The following HMCN1 variants were observed in gnomAD, a reference collection of about 807,000 sequenced individuals.
HMCN1 encodes the protein hemicentin 1, also known as hemicentin-1.
In HMCN1, 321 loss-of-function variants were observed where a neutral mutation model predicts 625.9. The observed-to-expected ratio is 0.51, with a 90% CI of 0.47 to 0.56. The LOEUF (loss-of-function observed/expected upper bound fraction) is 0.56, where lower values mean the gene tolerates loss of function less well. HMCN1 is among the 20% of genes least tolerant of loss of function. HMCN1 has a pLI of 0.00. For missense variants in HMCN1, 6,588 were observed against 6,887.3 expected (o/e 0.96, Z 1.54); for synonymous variants, 2,425 against 2,417.6 (o/e 1.00, Z -0.09).
At chr1:186,128,639 G>A (rs928727029) in intron 83 of HMCN1, among the ~76,000 whole-genome samples, 4 of 151,918 alleles carry the variant, frequency 2.6e-5, no homozygotes, top group Admixed American at 1.3e-4. Context: ...TAAGATGGCC[G>A]CTGTTGGAGT....
At chr1:185,960,738 G>T (rs944965968) in intron 11 of HMCN1, among the ~76,000 whole-genome samples, 3 of 152,198 alleles carry the variant, frequency 2.0e-5, no homozygotes, top group South Asian at 4.1e-4. Context: ...TTGAATCTTT[G>T]CAGCAATTCC....
intron 42 of HMCN1, among the ~76,000 whole-genome samples, chr1:186,049,656 A>G (rs910741026): frequency 7.2e-5 from 11 of 152,114 alleles, no homozygotes; most frequent in South Asian, 4.1e-4. Context: ...CTTCATTTTG[A>G]TTGTATTTGT....
At chr1:185,980,182 A>G (rs1438241807) in intron 16 of HMCN1, among the ~76,000 whole-genome samples, 1 of 152,216 alleles carries the variant, frequency 6.6e-6, no homozygotes, top group Non-Finnish European at 1.5e-5. Context: ...AAAATAATGC[A>G]TATTTCAATA....
At chr1:186,032,522 A>T (rs192726722) in intron 36 of HMCN1, among the ~76,000 whole-genome samples, 8 of 152,092 alleles carry the variant, frequency 5.3e-5, no homozygotes, top group African/African-American at 1.7e-4. Context: ...TGATGGTCTT[A>T]TAAGGGGCTT....
intron 49 of HMCN1, among the ~76,000 whole-genome samples, chr1:186,065,695 G>T (rs1658065286): frequency 1.3e-5 from 2 of 152,150 alleles, no homozygotes; most frequent in African/African-American, 2.4e-5. Context: ...AAAAGATAAA[G>T]ATATGTTGGT....
At chr1:186,172,546 G>T (rs1652297940) in intron 102 of HMCN1, among the ~76,000 whole-genome samples, 1 of 152,048 alleles carries the variant, frequency 6.6e-6, no homozygotes. Context: ...TCAAATCCAT[G>T]ACCAGACAAA....
chr1:186,039,772 G>T lies in HMCN1; in HGVS notation c.6073G>T (p.Val2025Phe). Residue 2025 changes from valine (V) to phenylalanine (F), a missense_variant, in exon 39 of 107, where the codon GTT becomes TTT. Around this residue, in one of 3 missense-constraint regions of HMCN1, gnomAD observed 4,628 missense variants for 4,853.1 expected, o/e 0.95. Coordinates refer to ENST00000271588, the MANE Select transcript of HMCN1 (RefSeq NM_031935.3). The stretch of plus-strand genomic sequence containing the variant: ...CAGCAATAACATGGTGGCAGTGGTG[G>T]TTAATAACCCGGTGAGGTTAGAATG... Reference protein sequence around the residue: ...SGSNNMVAVVVNNPVRLECEA... With the variant: ...SGSNNMVAVVFNNPVRLECEA... 6.2e-7 allele frequency: 1 copy of T among 1,613,544 alleles called. No individual in the cohort carries two copies. The highest frequency in any genetic ancestry group is 8.5e-7 in the Non-Finnish European group (1 of 1,179,632).
At chr1:186,185,254 T>C (rs1571482975) in intron 105 of HMCN1, among the ~76,000 whole-genome samples, 1 of 152,336 alleles carries the variant, frequency 6.6e-6, no homozygotes, top group East Asian at 1.9e-4. Flanking sequence ...GGCTTCATGT[T>C]TCTGCAAGAG....
At chr1:186,008,018 A>G (rs1274051928) in intron 30 of HMCN1, among the ~76,000 whole-genome samples, 3 of 152,124 alleles carry the variant, frequency 2.0e-5, no homozygotes. Flanking sequence ...TCACCTTCTC[A>G]TAGGATCTTC....
chr1:185,790,809 G>A (rs1395831562), intron 1 of HMCN1, among the ~76,000 whole-genome samples: 1 of 152,142 alleles, frequency 6.6e-6, no homozygotes, highest in Non-Finnish European at 1.5e-5. Flanking sequence ...AGAGGAAACT[G>A]GAGGTTATGA....
Position 186,119,316 on chromosome 1 carries a change from C to G in HMCN1, c.11956+18C>G. 1.9e-6 allele frequency: 3 copies of G among 1,592,250 alleles called. No homozygotes were observed. Among genetic ancestry groups the G allele is most frequent in the Non-Finnish European group, 2.6e-6 (3 of 1,160,080 alleles). On this transcript the variant is annotated intron_variant, in intron 78 of 106. Coordinates refer to ENST00000271588, the MANE Select transcript of HMCN1 (RefSeq NM_031935.3). ...TGTTCATGGTATGGAAGGCTATTTA[C>G]TCATTCAAAGTTCGCTGGGTTTGGG...
chr1:186,063,273 G>A (rs1420183585), intron 48 of HMCN1, among the ~76,000 whole-genome samples: 1 of 151,288 alleles, frequency 6.6e-6, no homozygotes, highest in African/African-American at 2.4e-5. Flanking sequence ...TTGAGGAAAA[G>A]TTCAGCTACT....
In HMCN1 at chr1:186,151,255, T is replaced by C. The variant is rs1650644501; in HGVS notation, c.14664T>C (p.Phe4888=). 6.2e-7 allele frequency: 1 copy of C among 1,613,842 alleles called. No individual in the cohort carries two copies. The highest frequency in any genetic ancestry group is 1.3e-5 in the African/African-American group (1 of 75,050). ...SVIGNINDVE[F]GIAFLNATIT... is the part of the protein sequence containing the mutation. ...TTGGAAATATTAATGATGTTGAATT[T>C]GGAATTGCTTTCCTTAATGCCACAA... Residue 4888 remains phenylalanine (F), a synonymous_variant, in exon 94 of 107, where the codon TTT becomes TTC. Coordinates refer to ENST00000271588, the MANE Select transcript of HMCN1 (RefSeq NM_031935.3).
intron 24 of HMCN1, 35 bp downstream of exon 24, chr1:185,995,122 G>A: frequency 6.3e-7 from 1 of 1,598,654 alleles, no homozygotes; most frequent in Non-Finnish European, 8.6e-7. Flanking sequence ...ATGTATGTAG[G>A]GTGGGGAGTG....
intron 86 of HMCN1, 35 bp from the exon 87 acceptor site, chr1:186,136,633 A>G (rs759705165): frequency 6.2e-7 from 1 of 1,610,700 alleles, no homozygotes; most frequent in South Asian, 1.1e-5. Flanking sequence ...CTGTAACTCC[A>G]CAAAAACTGA....
chr1:186,154,397 C>T (rs1268511591), intron 97 of HMCN1, among the ~76,000 whole-genome samples: 1 of 152,090 alleles, frequency 6.6e-6, no homozygotes, highest in Non-Finnish European at 1.5e-5. Context: ...GGGCGGGTGC[C>T]TGTAGTCCCA....
chr1:185,768,021 A>T (rs1406281266), intron 1 of HMCN1, among the ~76,000 whole-genome samples: 2 of 152,192 alleles, frequency 1.3e-5, no homozygotes, highest in Non-Finnish European at 2.9e-5. Flanking sequence ...ACAAGGAAAA[A>T]ACATGAAGTT....
chr1:185,746,008 T>C (rs1654364392), intron 1 of HMCN1, among the ~76,000 whole-genome samples: 2 of 151,956 alleles, frequency 1.3e-5, no homozygotes, highest in African/African-American at 4.8e-5. Flanking sequence ...CAGGAATGAG[T>C]AGTGTTTGGA....
intron 36 of HMCN1, 119 bp downstream of exon 36, chr1:186,023,272 A>T (rs1654838557): frequency 1.2e-6 from 1 of 858,544 alleles, no homozygotes; most frequent in East Asian, 2.8e-5. Flanking sequence ...CTTAGTCTGT[A>T]TAAAAAAAAC....
Sources: allele counts gnomAD v4.1 joint callset (sites outside exome capture counted in the v4.1 genomes callset), GRCh38; gene constraint gnomAD v4.1.1; regional missense constraint gnomAD v4.1.1; transcripts MANE v1.5; gene names NCBI Gene and HGNC (gene_info 2026-07-23, HGNC 2026-07-21).